The following ARFRP1 variants were observed in gnomAD, a reference collection of about 807,000 sequenced individuals.
ARFRP1 encodes the protein ADP-ribosylation factor-related protein 1.
Under a neutral mutation model 30.3 loss-of-function variants are expected in ARFRP1, and 19 were observed. That is an observed-to-expected ratio of 0.63 (90% confidence interval 0.44 to 0.92). ARFRP1 has a LOEUF of 0.92. Ranked by LOEUF, ARFRP1 falls within the 40% of genes least tolerant of loss-of-function variation. The probability of loss-of-function intolerance (pLI) is 0.00; values close to 1 mark genes in which losing one functional copy is unlikely to be tolerated. For synonymous variants in ARFRP1, 133 were observed against 114.2 expected (o/e 1.16, Z -1.05); for missense variants, 245 against 267.5 (o/e 0.92, Z 0.59).
At chr20:63,700,870 C>T in intron 6 of ARFRP1, 168 bp from the exon 7 acceptor site, 1 of 900,104 alleles carries the variant, frequency 1.1e-6, no homozygotes, top group South Asian at 1.7e-5. Context: ...ACCCTGTGCT[C>T]AGCCCGAGGC....
rs1455442690 is a variant in ARFRP1, at chr20:63,700,518, G to A, written c.531C>T (p.Arg177=). ...ACTTCACCATCCACTCGATGCCCTC[G>A]CGCACCCCTTTGCTGTGAAGACAGC... ...ACSALTGKGV[R]EGIEWMVKCV... The change falls in exon 8 of 8, where the codon CGC becomes CGT. Residue 177 remains arginine (R), a synonymous_variant. Transcript: ENST00000622789. 1.8e-5 allele frequency: 29 copies of A among 1,610,676 alleles called. No individual in the cohort carries two copies. The highest frequency in any genetic ancestry group is 6.6e-5 in the South Asian group (6 of 91,010).
At chr20:63,701,998 G>GACCCCCCC in intron 5 of ARFRP1, 98 bp from the exon 6 acceptor site, 14 of 583,914 alleles carry the variant, frequency 2.4e-5, no homozygotes, top group South Asian at 1.3e-4. Flanking sequence ...CACTCCCTCT[G>GACCCCCCC]CCCCCCCCCC....
intron 1 of ARFRP1, 89 bp from the exon 2 acceptor site, chr20:63,707,186 C>T (rs1422386032): frequency 9.7e-6 from 11 of 1,129,060 alleles, no homozygotes; most frequent in Non-Finnish European, 1.3e-5. Context: ...GCCCCACGTC[C>T]AGCCGACCGC....
At chr20:63,705,488 G>A in intron 4 of ARFRP1, 1 of 425,324 alleles carries the variant, frequency 2.4e-6, no homozygotes, top group Non-Finnish European at 4.7e-6. Context: ...ATAAACTGCA[G>A]CCTTGGGGGT....
At chr20:63,701,577 A>G in intron 6 of ARFRP1, 1 of 588,926 alleles carries the variant, frequency 1.7e-6, no homozygotes, top group East Asian at 2.8e-5. Context: ...TCCTGGGGAG[A>G]GGTGCCCTGC....
In ARFRP1 at chr20:63,700,123, C is replaced by A. The variant is rs2091123565; in HGVS notation, c.*320G>T. 7.5e-6 allele frequency: 3 copies of A among 398,644 alleles called. No homozygotes were observed. In the Admixed American group the frequency reaches 1.1e-4, roughly 15 times the overall value. 24.7% of individuals were successfully genotyped at this position (398,644 alleles called of 1,614,324 possible). A position where few individuals can be genotyped will look rare whatever the true frequency, so the allele number is the denominator to read the frequency against. On this transcript the variant is annotated 3_prime_UTR_variant, in exon 8 of 8. Transcript: ENST00000622789. ...GCTGTCCTCATGCAGCCCAAGCCAG[C>A]CTGAGCACTGGAGCCCCAATTCCCA...
chr20:63,702,465 G>C (rs1249483501), intron 4 of ARFRP1: 2 of 536,274 alleles, frequency 3.7e-6, no homozygotes, highest in Non-Finnish European at 6.7e-6. Flanking sequence ...TGAAAGACAG[G>C]GATTGGGCCA....
chr20:63,701,996 CTG>C (rs2091229331), intron 5 of ARFRP1, 96 bp from the exon 6 acceptor site: 7 of 981,764 alleles, frequency 7.1e-6, no homozygotes, highest in Non-Finnish European at 1.0e-5. Context: ...GCCACTCCCT[CTG>C]CCCCCCCCCC....
intron 1 of ARFRP1, chr20:63,707,366 CG>C (rs1169643177): frequency 2.5e-6 from 1 of 394,014 alleles, no homozygotes; most frequent in Non-Finnish European, 4.7e-6. Flanking sequence ...ACTACCCAGC[CG>C]GGTGTTCACA....
chr20:63,706,608 T>C (rs1173971035), intron 3 of ARFRP1, 43 bp downstream of exon 3: 6 of 1,556,196 alleles, frequency 3.9e-6, no homozygotes, highest in Middle Eastern at 1.7e-4. Flanking sequence ...TATCACGGCA[T>C]CCTCAAGGCC....
rs1217789965 is a variant in ARFRP1 at position 63,700,837 on chromosome 20, C to T, written c.418-135G>A. On this transcript the variant is annotated intron_variant, in intron 6 of 7. Transcript: ENST00000622789. ...AGCTCCACCAGGGTCCCAGTGTCTCCCACAGAGACCACAGCAGTGAGGACC... is the reference window on the plus strand; with the variant it reads ...AGCTCCACCAGGGTCCCAGTGTCTCTCACAGAGACCACAGCAGTGAGGACC... 5.1e-6 allele frequency: 6 copies of T among 1,178,280 alleles called. No individual in the cohort carries two copies. The East Asian group carries it at 1.5e-4, about 30-fold the overall frequency. The allele number at this position is 1,178,280 out of a possible 1,614,324, so 73.0% of individuals were successfully genotyped here.
At chr20:63,707,214 G>A (rs2091524837) in intron 1 of ARFRP1, 117 bp from the exon 2 acceptor site, 2 of 845,798 alleles carry the variant, frequency 2.4e-6, no homozygotes, top group Non-Finnish European at 3.7e-6. Context: ...GAGAGCCTGG[G>A]GGCCATTCCC....
intron 1 of ARFRP1, 198 bp from the exon 2 acceptor site, chr20:63,707,295 A>T (rs1342955830): frequency 1.7e-6 from 1 of 573,444 alleles, no homozygotes; most frequent in Non-Finnish European, 3.1e-6. Flanking sequence ...TGTCCTGCTC[A>T]CAGCAATGAC....
rs2091063286 is a variant in ARFRP1, at chr20:63,699,091, G to C, written c.*1352C>G. The C allele has an allele frequency of 6.6e-6, 1 of 152,248 alleles. No individual in the cohort carries two copies. Among genetic ancestry groups the C allele is most frequent in the Non-Finnish European group, 1.5e-5 (1 of 68,088 alleles). 9.4% of individuals were successfully genotyped at this position (152,248 alleles called of 1,614,324 possible). On this transcript the variant is annotated 3_prime_UTR_variant, in exon 8 of 8. Coordinates refer to ENST00000622789, the MANE Select transcript of ARFRP1 (RefSeq NM_001267547.3). Reference sequence around the variant, plus strand: ...CGGGAAGTGAAGCTTCTCCCTCTCTGGGGCAGGCTCTGAAGCCTCCCGATG... The same window carrying C: ...CGGGAAGTGAAGCTTCTCCCTCTCTCGGGCAGGCTCTGAAGCCTCCCGATG...
chr20:63,706,977 G>A (rs1157243466), intron 2 of ARFRP1, 22 bp downstream of exon 2: 2 of 1,612,322 alleles, frequency 1.2e-6, no homozygotes, highest in African/African-American at 1.3e-5. Flanking sequence ...GGAAAGGTGC[G>A]CGCAAGGGCG....
chr20:63,701,998 G>GGGGGCCCCCCC, intron 5 of ARFRP1, 98 bp from the exon 6 acceptor site: 1 of 583,908 alleles, frequency 1.7e-6, no homozygotes, highest in Non-Finnish European at 2.6e-6. Flanking sequence ...CACTCCCTCT[G>GGGGGCCCCCCC]CCCCCCCCCC....
chr20:63,706,811 T>A (rs2091492652), intron 2 of ARFRP1, 73 bp from the exon 3 acceptor site: 5 of 1,386,728 alleles, frequency 3.6e-6, no homozygotes, highest in Admixed American at 1.7e-5. Context: ...TACTCAGGTC[T>A]GTTCTTTAAA....
chr20:63,707,496 C>G lies in ARFRP1; in HGVS notation c.-7+371G>C, dbSNP rs533239386. ...GGCCACGGCACCCTCGAGCGCCAGC[C>G]CCGCGCCCCACCCGGGAGCAGCGAG... On this transcript the variant is annotated intron_variant, in intron 1 of 7. Coordinates refer to ENST00000622789, the MANE Select transcript of ARFRP1 (RefSeq NM_001267547.3). The G allele has an allele frequency of 2.2e-3, 371 of 168,930 alleles. 2 individuals carry two copies. The highest frequency in any genetic ancestry group is 8.5e-3 in the African/African-American group (356 of 41,854). The allele number at this position is 168,930 out of a possible 1,614,324, so 10.5% of individuals were successfully genotyped here.
rs754237422 is a variant in ARFRP1 at position 63,706,473 on chromosome 20, C to T, written c.182-34G>A. The T allele has an allele frequency of 7.5e-6, 12 of 1,603,964 alleles. No homozygotes were observed. The South Asian group carries it at 1.1e-4, about 15-fold the overall frequency. ...AGGAGGAAACAGGCAAGGCTCATGACCTTGGTCCTCGACACACCCAGTCCC... is the reference window on the plus strand; with the variant it reads ...AGGAGGAAACAGGCAAGGCTCATGATCTTGGTCCTCGACACACCCAGTCCC... On this transcript the variant is annotated intron_variant, in intron 3 of 7. Coordinates refer to ENST00000622789, the MANE Select transcript of ARFRP1 (RefSeq NM_001267547.3).
Sources: allele counts gnomAD v4.1 joint callset, GRCh38; gene constraint gnomAD v4.1.1; transcripts MANE v1.5; gene names NCBI Gene and HGNC (gene_info 2026-07-23, HGNC 2026-07-21).